Variants in HDLBP observed in about 807,000 individuals in gnomAD.
The protein encoded by HDLBP is high density lipoprotein binding protein.
HDLBP carries 30 observed loss-of-function variants against 137.3 expected under a neutral mutation model. That is an observed-to-expected ratio of 0.22 (90% CI 0.16 to 0.30). The LOEUF is 0.30. HDLBP is among the 10% of genes least tolerant of loss of function. The pLI is 1.00. For synonymous variants in HDLBP, 606 were observed against 596.0 expected, an observed-to-expected ratio of 1.02 and a Z score of -0.24; for missense variants, 1,119 against 1,667.3, an observed-to-expected ratio of 0.67 and a Z score of 5.73.
chr2:241,275,481 AG>A (rs149863403), intron 1 of HDLBP, among the ~76,000 whole-genome samples: 17,881 of 152,274 alleles, frequency 0.12, 1,256 homozygotes, highest in Admixed American at 0.16. Flanking sequence ...CAAAACAAAA[AG>A]AGAAAAGAAA....
Position 241,228,848 on chromosome 2 carries a change from C to T in HDLBP, c.*753G>A, listed in dbSNP as rs565744567. 2 of 153,048 alleles carry T rather than the reference C, an allele frequency of 1.3e-5. No individual in the cohort carries two copies. The highest frequency in any genetic ancestry group is 4.8e-5 in the African/African-American group (2 of 41,578). The allele number at this position is 153,048 out of a possible 1,614,324, so 9.5% of individuals were successfully genotyped here. On this transcript the variant is annotated 3_prime_UTR_variant, in exon 28 of 28. Coordinates refer to ENST00000310931, the MANE Select transcript of HDLBP (RefSeq NM_005336.6). Reference sequence around the variant, plus strand: ...CCCCAACCTGTGCGCATCTCAATCACAGCAGACACTGTGACGGCCACAGGG... The same window carrying T: ...CCCCAACCTGTGCGCATCTCAATCATAGCAGACACTGTGACGGCCACAGGG...
intron 1 of HDLBP, among the ~76,000 whole-genome samples, chr2:241,285,100 C>T (rs1467248257): frequency 6.6e-6 from 1 of 152,224 alleles, no homozygotes; most frequent in Non-Finnish European, 1.5e-5. Flanking sequence ...AGGCTGGTCT[C>T]GAACTCCTGA....
chr2:241,248,449 T>A, intron 12 of HDLBP, 101 bp from the exon 13 acceptor site: 4 of 938,880 alleles, frequency 4.3e-6, no homozygotes, highest in Non-Finnish European at 6.9e-6. Flanking sequence ...CAGTCCTTCA[T>A]GGAGCAGGTG....
At chr2:241,288,104 C>A (rs1052822834) in intron 1 of HDLBP, among the ~76,000 whole-genome samples, 9 of 152,180 alleles carry the variant, frequency 5.9e-5, no homozygotes, top group African/African-American at 2.2e-4. Context: ...AACAAAAATA[C>A]CTCCACCTGG....
In HDLBP at chr2:241,238,053, T is replaced by C. The variant is rs538004074; in HGVS notation, c.2749+596A>G. ...CACAGAGTGGAGGGCGGGCATCTGA[T>C]AACACAGAGTGGAGGGCATACCTTT... On this transcript the variant is annotated intron_variant, in intron 20 of 27. Coordinates refer to ENST00000310931, the MANE Select transcript of HDLBP (RefSeq NM_005336.6). The surrounding 1 kb of genome is among the most constrained non-coding windows in gnomAD (Gnocchi z 4.9). 2.0e-5 allele frequency among the ~76,000 whole-genome samples: 3 copies of C among 152,306 alleles called. No individual in the cohort carries two copies. The highest frequency in any genetic ancestry group is 7.2e-5 in the African/African-American group (3 of 41,556).
chr2:241,273,908 G>A (rs1484260802), intron 1 of HDLBP, among the ~76,000 whole-genome samples: 1 of 151,904 alleles, frequency 6.6e-6, no homozygotes, highest in East Asian at 1.9e-4. Context: ...GGAGGGCAGG[G>A]GAGGCCTACT....
rs78294316 is a variant in HDLBP at position 241,242,998 on chromosome 2, C to T, written c.1951-320G>A. ...TGGTAATTTCAGACCACACATAATG[C>T]TCTATTTCTTCAGTCAACGCTCCGG... On this transcript the variant is annotated intron_variant, in intron 16 of 27. Coordinates refer to ENST00000310931, the MANE Select transcript of HDLBP (RefSeq NM_005336.6). Among the ~76,000 whole-genome samples, 70 of 152,298 alleles carry T rather than the reference C, an allele frequency of 4.6e-4. No individual in the cohort carries two copies. The East Asian group carries it at 0.013, about 29-fold the overall frequency.
intron 21 of HDLBP, chr2:241,236,262 GA>G: frequency 3.2e-6 from 1 of 314,030 alleles, no homozygotes; most frequent in South Asian, 4.2e-5. Flanking sequence ...AGCTAGGCCT[GA>G]TAACCCCACT....
chr2:241,251,883 A>C (rs1291726374), intron 11 of HDLBP, among the ~76,000 whole-genome samples: 1 of 152,122 alleles, frequency 6.6e-6, no homozygotes, highest in African/African-American at 2.4e-5. Flanking sequence ...AGGCTGAGGC[A>C]GGAGAATCGC....
At chr2:241,249,014 A>G (rs1042745971) in intron 12 of HDLBP, among the ~76,000 whole-genome samples, 7 of 152,152 alleles carry the variant, frequency 4.6e-5, no homozygotes, top group African/African-American at 1.7e-4. Flanking sequence ...CAGGAAGGGC[A>G]TAAAGCAGCC....
At chr2:241,253,107 G>C in intron 10 of HDLBP, 72 bp from the exon 11 acceptor site, 1 of 1,117,212 alleles carries the variant, frequency 9.0e-7, no homozygotes, top group Non-Finnish European at 1.4e-6. Flanking sequence ...AAACCCAGCA[G>C]TCTCCACGGT....
rs7608210 is a variant in HDLBP at position 241,263,908 on chromosome 2, G to C, written c.234+540C>G. 4.5e-3 allele frequency among the ~76,000 whole-genome samples: 686 copies of C among 152,192 alleles called. 8 individuals are homozygous for C. The highest frequency in any genetic ancestry group is 0.016 in the African/African-American group (654 of 41,544). On this transcript the variant is annotated intron_variant, in intron 4 of 27. Coordinates refer to ENST00000310931, the MANE Select transcript of HDLBP (RefSeq NM_005336.6). ...AGCATACAGGGTGGACATGAGAGAA[G>C]TGGTCGACAGAAACATCTCTGGGGT...
Position 241,228,214 on chromosome 2 carries a change from G to A in HDLBP, c.*1387C>T, listed in dbSNP as rs12466277. On this transcript the variant is annotated 3_prime_UTR_variant, in exon 28 of 28. Coordinates refer to ENST00000310931, the MANE Select transcript of HDLBP (RefSeq NM_005336.6). ...TCAAGTACCTGGGACAGGACAACTC[G>A]CTAGCAGCTCAGTCACCTCCGTGGC... 6.5e-3 allele frequency: 992 copies of A among 152,402 alleles called. 27 individuals are homozygous for A. The highest frequency in any genetic ancestry group is 0.061 in the South Asian group (294 of 4,830). 9.4% of individuals were successfully genotyped at this position (152,402 alleles called of 1,614,324 possible). A position where few individuals can be genotyped will look rare whatever the true frequency, so the allele number is the denominator to read the frequency against.
intron 1 of HDLBP, among the ~76,000 whole-genome samples, chr2:241,283,385 T>C (rs1477825532): frequency 6.6e-5 from 10 of 152,112 alleles, no homozygotes; most frequent in Admixed American, 6.5e-4. Flanking sequence ...CTGATGAAAG[T>C]AGCTGCACTA....
At position 241,256,815 on chromosome 2, in the gene HDLBP, A is replaced by G. The variant is rs1319241149; in HGVS notation, c.451-9T>C. The G allele has an allele frequency of 6.2e-7, 1 of 1,608,858 alleles. No homozygotes were observed. Among genetic ancestry groups the G allele is most frequent in the Non-Finnish European group, 8.5e-7 (1 of 1,175,366 alleles). ...GCAACAGTTGCTGAGGCCTATAGCA[A>G]GAAGAGAATAAAAGAAAACAAGAAT... On this transcript the variant is annotated splice_polypyrimidine_tract_variant and intron_variant, in intron 5 of 27. Transcript: ENST00000310931.
In HDLBP at chr2:241,230,276, G is replaced by C; in HGVS notation, c.3475-7C>G. ...GTGGGAAGCGAATGTCCACCTGGAA[G>C]GGGTGTACAACGTCAGATGAGGGGA... is the stretch of plus-strand genomic sequence containing the variant. On this transcript the variant is annotated splice_region_variant and splice_polypyrimidine_tract_variant and intron_variant, in intron 25 of 27. Transcript: ENST00000310931. This position sits in a 1 kb window ranked among gnomAD's most constrained non-coding sequence, Gnocchi z 5.0. 6.4e-7 allele frequency: 1 copy of C among 1,556,154 alleles called. No homozygotes were observed. Among genetic ancestry groups the C allele is most frequent in the East Asian group, 2.3e-5 (1 of 44,060 alleles).
intron 1 of HDLBP, among the ~76,000 whole-genome samples, chr2:241,302,968 A>G (rs1181931973): frequency 6.6e-6 from 1 of 152,174 alleles, no homozygotes. Context: ...TGCCCTACCA[A>G]TGCCCAACGA....
chr2:241,232,314 C>T (rs914264305), intron 24 of HDLBP, among the ~76,000 whole-genome samples: 6 of 150,154 alleles, frequency 4.0e-5, no homozygotes, highest in South Asian at 2.1e-4. Flanking sequence ...CTCACTCTGT[C>T]GCCCAGGCTG....
rs867318627 is a variant in HDLBP at position 241,272,609 on chromosome 2, C to T, written c.-102-4068G>A. On this transcript the variant is annotated intron_variant, in intron 1 of 27. Coordinates refer to ENST00000310931, the MANE Select transcript of HDLBP (RefSeq NM_005336.6). The surrounding 1 kb of genome is among the most constrained non-coding windows in gnomAD (Gnocchi z 5.6). ...GCAGGACACCCGCGGGCGGGGGCCG[C>T]AGCCTGGGGCCCGGGTGGGGGCCGC... The T allele has an allele frequency of 5.1e-6, 5 of 982,180 alleles. No homozygotes were observed. In the African/African-American group the frequency reaches 8.8e-5, roughly 17 times the overall value. The allele number at this position is 982,180 out of a possible 1,614,324, so 60.8% of individuals were successfully genotyped here.
Sources: allele counts gnomAD v4.1 joint callset (sites outside exome capture counted in the v4.1 genomes callset), GRCh38; gene constraint gnomAD v4.1.1; non-coding constraint Gnocchi (gnomAD v3.1); transcripts MANE v1.5; gene names NCBI Gene and HGNC (gene_info 2026-07-23, HGNC 2026-07-21).